CEP83: variants seen among roughly 807,000 people sequenced by gnomAD.
CEP83 encodes the protein centrosomal protein 83.
A neutral mutation model predicts 101.9 loss-of-function variants in CEP83; 70 were observed. The ratio of observed to expected loss-of-function variants is 0.69; its 90% confidence interval spans 0.57 to 0.84. CEP83 has a LOEUF of 0.84. CEP83 is among the 40% of genes least tolerant of loss of function. The pLI, the probability that CEP83 is intolerant of heterozygous loss-of-function variation, is 0.00. For missense variants in CEP83, 715 were observed against 787.2 expected (o/e 0.91, Z 1.10); for synonymous variants, 264 against 267.9 (o/e 0.99, Z 0.14).
At chr12:94,412,871 G>A (rs1182636836) in intron 2 of CEP83, among the ~76,000 whole-genome samples, 1 of 131,406 alleles carries the variant, frequency 7.6e-6, no homozygotes, top group African/African-American at 2.9e-5. Context: ...TTTTTTTTTT[G>A]AGACGGAGTC....
chr12:94,394,400 G>A (rs946452947), intron 6 of CEP83, among the ~76,000 whole-genome samples: 1 of 152,176 alleles, frequency 6.6e-6, no homozygotes, highest in Non-Finnish European at 1.5e-5. Context: ...AATAAATGGT[G>A]CTGGGAAAAC....
chr12:94,424,724 A>G (rs1173650968), intron 2 of CEP83: 6 of 1,609,198 alleles, frequency 3.7e-6, no homozygotes, highest in Non-Finnish European at 5.1e-6. Context: ...AGTGGAAACA[A>G]TCTTGCCATA....
At chr12:94,266,581 TAAC>T in the CEP83 span, among the ~76,000 whole-genome samples, 1 of 152,224 alleles carries the variant, frequency 6.6e-6, no homozygotes, top group African/African-American at 2.4e-5. Context: ...GGGTGCTGCT[TAAC>T]AACTGTTGGT....
chr12:94,283,315 G>C, the CEP83 span, among the ~76,000 whole-genome samples: 2,053 of 152,310 alleles, frequency 0.013, 19 homozygotes, highest in Middle Eastern at 0.037. Flanking sequence ...CATCCAGCAG[G>C]GAAGGGAGAG....
At chr12:94,279,406 T>A in the CEP83 span, 1 of 1,454,284 alleles carries the variant, frequency 6.9e-7, no homozygotes, top group Non-Finnish European at 9.4e-7. Context: ...GGTTTGTGTC[T>A]TTTATGAAAT....
intron 6 of CEP83, among the ~76,000 whole-genome samples, chr12:94,380,085 A>C (rs1486008538): frequency 6.4e-5 from 8 of 125,058 alleles, no homozygotes; most frequent in African/African-American, 1.9e-4. Flanking sequence ...AAAAAAAAAA[A>C]AAAAACAAAA....
the CEP83 span, among the ~76,000 whole-genome samples, chr12:94,266,064 G>A: frequency 1.3e-5 from 2 of 152,206 alleles, no homozygotes; most frequent in East Asian, 3.8e-4. Flanking sequence ...CGTTAGTGGA[G>A]GAGGAAAAGA....
chr12:94,270,946 G>A, the CEP83 span, among the ~76,000 whole-genome samples: 2 of 152,088 alleles, frequency 1.3e-5, no homozygotes, highest in Non-Finnish European at 1.5e-5. Context: ...AAAGGGGAAC[G>A]TCAGGCAGAA....
At chr12:94,368,339 T>A in intron 9 of CEP83, 138 bp from the exon 10 acceptor site, 2 of 627,986 alleles carry the variant, frequency 3.2e-6, no homozygotes, top group Non-Finnish European at 2.7e-6. Flanking sequence ...TCAACAATAC[T>A]CACATCATTA....
intron 2 of CEP83, among the ~76,000 whole-genome samples, chr12:94,419,164 A>T (rs1365751415): frequency 6.6e-6 from 1 of 152,164 alleles, no homozygotes; most frequent in Non-Finnish European, 1.5e-5. Context: ...TGGCAGATAG[A>T]GCAATATACA....
chr12:94,280,311 G>C, the CEP83 span: 3 of 157,312 alleles, frequency 1.9e-5, no homozygotes, highest in East Asian at 1.9e-4. Context: ...GGAGACTGTC[G>C]TGGGATTTTA....
chr12:94,372,800 A>G (rs182058023), intron 8 of CEP83, among the ~76,000 whole-genome samples: 5 of 152,344 alleles, frequency 3.3e-5, no homozygotes, highest in Admixed American at 6.5e-5. Context: ...AACCAGTGGT[A>G]TATGCTCAAG....
chr12:94,376,582 C>CA (rs747568150), intron 7 of CEP83, among the ~76,000 whole-genome samples: 1 of 151,454 alleles, frequency 6.6e-6, no homozygotes, highest in Non-Finnish European at 1.5e-5. Context: ...TGCAGGTTGT[C>CA]AAAAAAGTTT....
chr12:94,371,680 C>G (rs2061315493), intron 8 of CEP83, among the ~76,000 whole-genome samples: 1 of 151,986 alleles, frequency 6.6e-6, no homozygotes, highest in African/African-American at 2.4e-5. Context: ...CAATAAAACC[C>G]CATAAATACT....
intron 1 of CEP83, among the ~76,000 whole-genome samples, chr12:94,444,815 T>C (rs1284455723): frequency 2.0e-5 from 3 of 152,264 alleles, no homozygotes; most frequent in South Asian, 2.1e-4. Context: ...CTGGGCAACA[T>C]AGTGAGACTC....
intron 11 of CEP83, among the ~76,000 whole-genome samples, chr12:94,343,764 A>G (rs998091656): frequency 2.0e-5 from 3 of 152,008 alleles, no homozygotes. Context: ...AAGTGCTGGG[A>G]TTACAGGCGT....
At chr12:94,267,972 G>A in the CEP83 span, among the ~76,000 whole-genome samples, 1 of 152,168 alleles carries the variant, frequency 6.6e-6, no homozygotes, top group Non-Finnish European at 1.5e-5. Context: ...TGAACAAACT[G>A]ATTCTGTGTG....
At chr12:94,342,969 A>G (rs1298092995) in intron 11 of CEP83, among the ~76,000 whole-genome samples, 2 of 152,252 alleles carry the variant, frequency 1.3e-5, no homozygotes, top group South Asian at 2.1e-4. Flanking sequence ...ACTTTAATAT[A>G]TCATTCTTTG....
chr12:94,409,433 T>C (rs909166925), intron 4 of CEP83, among the ~76,000 whole-genome samples: 4 of 152,132 alleles, frequency 2.6e-5, no homozygotes, highest in African/African-American at 7.2e-5. Flanking sequence ...ATAGGGTAGA[T>C]GACTTCATTT....
Sources: gnomAD v4.1 joint callset for allele counts (sites outside exome capture counted in the v4.1 genomes callset) on GRCh38, gnomAD v4.1.1 for gene constraint, MANE v1.5 for transcripts, NCBI Gene and HGNC (gene_info 2026-07-23, HGNC 2026-07-21) for gene names.